Variants in SLCO3A1 observed in about 807,000 individuals in gnomAD.
The protein encoded by SLCO3A1 is PGE1 transporter.
A neutral mutation model predicts 63.1 loss-of-function variants in SLCO3A1; 27 were observed. That is an observed-to-expected ratio of 0.43 (90% CI 0.32 to 0.59). The LOEUF (loss-of-function observed/expected upper bound fraction) is 0.59. SLCO3A1 is among the 20% of genes least tolerant of loss of function. SLCO3A1 has a pLI of 0.09. For synonymous variants in SLCO3A1, 473 were observed against 409.9 expected (o/e 1.15, Z -1.86); for missense variants, 773 against 945.8 (o/e 0.82, Z 2.40).
chr15:91,900,259 T>C lies in SLCO3A1; in HGVS notation c.181-15734T>C, dbSNP rs1256750586. On this transcript the variant is annotated intron_variant, in intron 1 of 9. Coordinates refer to ENST00000318445, the MANE Select transcript of SLCO3A1 (RefSeq NM_013272.4). This position sits in a 1 kb window ranked among gnomAD's most constrained non-coding sequence, Gnocchi z 4.3. ...GGCTATAACCATTTTATCTTTTATGTTCCCACTAGCAGTATCTGAGTGTTC... is the reference window on the plus strand; with the variant it reads ...GGCTATAACCATTTTATCTTTTATGCTCCCACTAGCAGTATCTGAGTGTTC... 6.6e-6 allele frequency among the ~76,000 whole-genome samples: 1 copy of C among 152,244 alleles called. No homozygotes were observed.
At chr15:91,943,379 C>T (rs900283348) in intron 2 of SLCO3A1, among the ~76,000 whole-genome samples, 2 of 152,198 alleles carry the variant, frequency 1.3e-5, no homozygotes, top group Admixed American at 6.5e-5. Flanking sequence ...GTATCATGTC[C>T]TCAAGGTTCA....
downstream of SLCO3A1, among the ~76,000 whole-genome samples, chr15:92,167,670 T>G (rs925908857): frequency 2.0e-5 from 3 of 152,220 alleles, no homozygotes; most frequent in Non-Finnish European, 4.4e-5. Flanking sequence ...GCAAGGCAGA[T>G]TTTTGTTCAA....
chr15:92,070,915 G>A (rs1384651144), intron 2 of SLCO3A1, among the ~76,000 whole-genome samples: 1 of 152,208 alleles, frequency 6.6e-6, no homozygotes, highest in South Asian at 2.1e-4. Context: ...TAAATTTTAT[G>A]TTATGGACAT....
At chr15:92,094,820 T>A (rs1195410287) in intron 2 of SLCO3A1, 61 bp from the exon 3 acceptor site, 3 of 1,037,856 alleles carry the variant, frequency 2.9e-6, no homozygotes, top group Non-Finnish European at 4.6e-6. Flanking sequence ...TGACCTTTGG[T>A]GATTTTGCTC....
At position 92,139,901 on chromosome 15, in the gene SLCO3A1, A is replaced by G. The variant is rs1319290744; in HGVS notation, c.1513-7083A>G. Reference sequence around the variant, plus strand: ...TATTAGTCTTGCTAGCGGTCTATCAATTTTGTTGATCCTTTCAAAAAACCA... The same window carrying G: ...TATTAGTCTTGCTAGCGGTCTATCAGTTTTGTTGATCCTTTCAAAAAACCA... On this transcript the variant is annotated intron_variant, in intron 7 of 9. Transcript: ENST00000318445. 6.0e-5 allele frequency among the ~76,000 whole-genome samples: 9 copies of G among 148,868 alleles called. 1 individual carries two copies. The South Asian group carries it at 8.6e-4, about 14-fold the overall frequency.
intron 2 of SLCO3A1, among the ~76,000 whole-genome samples, chr15:92,063,709 G>A (rs2047113957): frequency 6.6e-6 from 1 of 152,204 alleles, no homozygotes; most frequent in Non-Finnish European, 1.5e-5. Flanking sequence ...AATTAGCCAG[G>A]CATGGTGGCG....
intron 2 of SLCO3A1, among the ~76,000 whole-genome samples, chr15:91,987,943 G>A (rs1432252556): frequency 6.6e-6 from 1 of 152,108 alleles, no homozygotes; most frequent in East Asian, 1.9e-4. Flanking sequence ...TGTGGGATTT[G>A]CCGGCAAAGG....
At position 92,104,373 on chromosome 15, in the gene SLCO3A1, C is replaced by G. The variant is rs906022535; in HGVS notation, c.840C>G (p.Leu280=). The G allele has an allele frequency of 1.9e-5, 31 of 1,614,100 alleles. No homozygotes were observed. Among genetic ancestry groups the G allele is most frequent in the Admixed American group, 1.0e-4 (6 of 60,010 alleles). Reference sequence around the variant, plus strand: ...GTGCCTTACTCTTCTTCTCTTCCCTCTTGATGTTTGGGTTTCCACAGTCCC... The same window carrying G: ...GTGCCTTACTCTTCTTCTCTTCCCTGTTGATGTTTGGGTTTCCACAGTCCC... ...LCGALLFFSS[L]LMFGFPQSLP... The change falls in exon 4 of 10, where the codon CTC becomes CTG. Residue 280 remains leucine, a synonymous_variant. Transcript: ENST00000318445.
chr15:91,858,635 A>G (rs1467448479), intron 1 of SLCO3A1, among the ~76,000 whole-genome samples: 1 of 152,224 alleles, frequency 6.6e-6, no homozygotes, highest in African/African-American at 2.4e-5. Context: ...GCCTCTCTGC[A>G]GTGGCACCGC....
At chr15:92,018,168 G>A (rs1052782332) in intron 2 of SLCO3A1, among the ~76,000 whole-genome samples, 4 of 152,246 alleles carry the variant, frequency 2.6e-5, no homozygotes, top group East Asian at 1.9e-4. Context: ...GGGCGGTGAC[G>A]GGGCTGGCAT....
chr15:92,011,163 G>T (rs1299483345), intron 2 of SLCO3A1, among the ~76,000 whole-genome samples: 2 of 152,148 alleles, frequency 1.3e-5, no homozygotes, highest in African/African-American at 2.4e-5. Flanking sequence ...CTCCGGGCAG[G>T]GTCCTATCCC....
At chr15:92,005,456 A>T (rs1044707787) in intron 2 of SLCO3A1, among the ~76,000 whole-genome samples, 3 of 152,058 alleles carry the variant, frequency 2.0e-5, no homozygotes, top group East Asian at 1.9e-4. Context: ...TTGCAGTTGG[A>T]CTCATGCTGG....
At chr15:92,052,154 T>C (rs1462832253) in intron 2 of SLCO3A1, among the ~76,000 whole-genome samples, 3 of 152,052 alleles carry the variant, frequency 2.0e-5, no homozygotes, top group African/African-American at 7.2e-5. Context: ...ACAGAACTTG[T>C]GTGGTTGGTC....
In SLCO3A1 at chr15:91,941,418, G is replaced by C; in HGVS notation, c.646+24960G>C. ...CCCAGCAGATCTGTGTCACGGGAGT[G>C]GCGCTGTCACTCGTTGAGGTGGTGG... is the stretch of plus-strand genomic sequence containing the variant. On this transcript the variant is annotated intron_variant, in intron 2 of 9. Transcript: ENST00000318445. The surrounding 1 kb of genome is among the most constrained non-coding windows in gnomAD (Gnocchi z 4.4). 2 of 409,162 alleles carry C rather than the reference G, an allele frequency of 4.9e-6. No homozygotes were observed. Among genetic ancestry groups the C allele is most frequent in the Non-Finnish European group, 4.9e-6 (1 of 206,054 alleles). 25.3% of individuals were successfully genotyped at this position (409,162 alleles called of 1,614,324 possible).
intron 1 of SLCO3A1, among the ~76,000 whole-genome samples, chr15:91,910,930 G>A (rs1320359331): frequency 6.6e-6 from 1 of 152,162 alleles, no homozygotes; most frequent in Non-Finnish European, 1.5e-5. Flanking sequence ...CACACCTCTG[G>A]GAGAGCCCCT....
In SLCO3A1 at chr15:92,164,339, G is replaced by A. The variant is rs3743369; in HGVS notation, c.*1204G>A. 603,856 of 984,250 alleles carry A rather than the reference G, an allele frequency of 0.61. 186,550 individuals carry two copies. The highest frequency in any genetic ancestry group is 0.71 in the Middle Eastern group (1,364 of 1,914). 61.0% of individuals were successfully genotyped at this position (984,250 alleles called of 1,614,324 possible). A position where few individuals can be genotyped will look rare whatever the true frequency, so the allele number is the denominator to read the frequency against. On this transcript the variant is annotated 3_prime_UTR_variant, in exon 10 of 10. Coordinates refer to ENST00000318445, the MANE Select transcript of SLCO3A1 (RefSeq NM_013272.4). ...GAAAAAAAAATGCTTCAAAAAGAGA[G>A]TGTATATGCAGCCTGCCTTTAAAAG...
At chr15:91,939,362 C>T (rs1192636073) in intron 2 of SLCO3A1, among the ~76,000 whole-genome samples, 1 of 152,252 alleles carries the variant, frequency 6.6e-6, no homozygotes. Flanking sequence ...AATCACCTCC[C>T]GCCAGGCCCC....
chr15:91,854,733 G>C lies in SLCO3A1; in HGVS notation c.180+645G>C, dbSNP rs923563981. 1.3e-5 allele frequency among the ~76,000 whole-genome samples: 2 copies of C among 152,146 alleles called. No homozygotes were observed. Among genetic ancestry groups the C allele is most frequent in the Non-Finnish European group, 2.9e-5 (2 of 68,032 alleles). On this transcript the variant is annotated intron_variant, in intron 1 of 9. Coordinates refer to ENST00000318445, the MANE Select transcript of SLCO3A1 (RefSeq NM_013272.4). The surrounding 1 kb of genome is among the most constrained non-coding windows in gnomAD (Gnocchi z 6.4). ...GTTACGGTACCTAGAGAGCAGCTGCGAGTTTGTGTAGTTCCTGCTATCCAC... is the reference window on the plus strand; with the variant it reads ...GTTACGGTACCTAGAGAGCAGCTGCCAGTTTGTGTAGTTCCTGCTATCCAC...
In SLCO3A1 at chr15:91,997,910, G is replaced by A. The variant is rs1456654820; in HGVS notation, c.646+81452G>A. ...AGGAGCTCAAACTATAAGAATCCTA[G>A]GGAAAGAAACCTAGGAAACACCACT... On this transcript the variant is annotated intron_variant, in intron 2 of 9. Coordinates refer to ENST00000318445, the MANE Select transcript of SLCO3A1 (RefSeq NM_013272.4). Among the ~76,000 whole-genome samples the A allele has an allele frequency of 3.9e-5, 6 of 152,100 alleles. No homozygotes were observed. In the East Asian group the frequency reaches 9.6e-4, roughly 24 times the overall value.
Sources: allele counts gnomAD v4.1 joint callset (sites outside exome capture counted in the v4.1 genomes callset), GRCh38; gene constraint gnomAD v4.1.1; non-coding constraint Gnocchi (gnomAD v3.1); transcripts MANE v1.5; gene names NCBI Gene and HGNC (gene_info 2026-07-23, HGNC 2026-07-21).